The following ANKRD17 variants were observed in gnomAD, a reference collection of about 807,000 sequenced individuals.
ANKRD17 encodes ankyrin repeat domain-containing protein 17.
Under a neutral mutation model 229.7 loss-of-function variants are expected in ANKRD17, and 19 were observed. The ratio of observed to expected loss-of-function variants is 0.08; its 90% CI spans 0.06 to 0.12. The LOEUF is 0.12. ANKRD17 is among the 10% of genes least tolerant of loss of function. ANKRD17 has a pLI of 1.00. For missense variants in ANKRD17, 2,176 were observed against 3,176.8 expected, an observed-to-expected ratio of 0.68 and a Z score of 7.57; for synonymous variants, 1,112 against 1,146.1, an observed-to-expected ratio of 0.97 and a Z score of 0.60.
At chr4:73,232,530 G>A (rs77609739) in intron 1 of ANKRD17, among the ~76,000 whole-genome samples, 1 of 152,120 alleles carries the variant, frequency 6.6e-6, no homozygotes, top group African/African-American at 2.4e-5. Context: ...AGCCAGTCAA[G>A]AAAGAATTAG....
chr4:73,251,956 G>A lies in ANKRD17; in HGVS notation c.393+6320C>T, dbSNP rs181772519. 7.2e-4 allele frequency among the ~76,000 whole-genome samples: 110 copies of A among 152,222 alleles called. No individual in the cohort carries two copies. The Middle Eastern group carries it at 0.017, about 24-fold the overall frequency. The stretch of plus-strand genomic sequence containing the variant: ...ATACTAACTCCAGTTAAGTTGGTGA[G>A]GTTAAAAATGACTAAACTAAAAATA... On this transcript the variant is annotated intron_variant, in intron 1 of 33. Coordinates refer to ENST00000358602, the MANE Select transcript of ANKRD17 (RefSeq NM_032217.5).
At chr4:73,173,046 G>T (rs1734252718) in intron 2 of ANKRD17, among the ~76,000 whole-genome samples, 1 of 152,052 alleles carries the variant, frequency 6.6e-6, no homozygotes, top group Non-Finnish European at 1.5e-5. Context: ...AAGACCCAAT[G>T]ACCTGCTGCC....
intron 1 of ANKRD17, among the ~76,000 whole-genome samples, chr4:73,248,407 G>A (rs1194948766): frequency 6.6e-6 from 1 of 151,868 alleles, no homozygotes; most frequent in African/African-American, 2.4e-5. Context: ...GATTTATACG[G>A]GGCTAAAATC....
chr4:73,192,875 T>C (rs1471823975), intron 1 of ANKRD17, among the ~76,000 whole-genome samples: 1 of 152,186 alleles, frequency 6.6e-6, no homozygotes, highest in Non-Finnish European at 1.5e-5. Context: ...ATAAGTAAAA[T>C]CAGGAACATA....
intron 1 of ANKRD17, among the ~76,000 whole-genome samples, chr4:73,227,310 C>T (rs1034904238): frequency 4.6e-5 from 7 of 152,056 alleles, no homozygotes; most frequent in African/African-American, 7.2e-5. Flanking sequence ...CCCACCACCA[C>T]GCCTGGCTCA....
intron 22 of ANKRD17, among the ~76,000 whole-genome samples, chr4:73,116,250 C>T (rs1400035068): frequency 6.6e-6 from 1 of 151,970 alleles, no homozygotes; most frequent in Non-Finnish European, 1.5e-5. Flanking sequence ...TTTTTCTTTG[C>T]TAACTCCCTA....
chr4:73,159,414 A>G (rs1277192817), intron 3 of ANKRD17, among the ~76,000 whole-genome samples: 2 of 152,206 alleles, frequency 1.3e-5, no homozygotes, highest in African/African-American at 4.8e-5. Flanking sequence ...ACCTTACAGG[A>G]TCTACTCTAG....
chr4:73,130,174 T>C (rs1728014745), intron 16 of ANKRD17, among the ~76,000 whole-genome samples: 2 of 152,210 alleles, frequency 1.3e-5, no homozygotes, highest in Admixed American at 6.5e-5. Flanking sequence ...TCTCATTCTC[T>C]AACCCACTCA....
At chr4:73,192,349 AAAAAACAAAAAC>A (rs942711637) in intron 1 of ANKRD17, among the ~76,000 whole-genome samples, 3 of 152,112 alleles carry the variant, frequency 2.0e-5, no homozygotes, top group Admixed American at 6.5e-5. Flanking sequence ...CCTGAAGCAA[AAAAAACAAAAAC>A]AAAAACAAAA....
In ANKRD17 at chr4:73,120,350, T is replaced by C; in HGVS notation, c.3850-13A>G. The C allele has an allele frequency of 6.2e-7, 1 of 1,611,456 alleles. No individual in the cohort carries two copies. On this transcript the variant is annotated splice_polypyrimidine_tract_variant and intron_variant, in intron 20 of 33. Coordinates refer to ENST00000358602, the MANE Select transcript of ANKRD17 (RefSeq NM_032217.5). Reference sequence around the variant, plus strand: ...GTGTGAGACCAGTCTAAGTTTAGTGTAAAATTAAAAGTAATGACACGTAAG... The same window carrying C: ...GTGTGAGACCAGTCTAAGTTTAGTGCAAAATTAAAAGTAATGACACGTAAG...
At chr4:73,165,435 A>G (rs188780224) in intron 2 of ANKRD17, among the ~76,000 whole-genome samples, 4 of 152,336 alleles carry the variant, frequency 2.6e-5, no homozygotes, top group African/African-American at 9.6e-5. Context: ...AGTTTACATG[A>G]TAAGTAGTGA....
intron 1 of ANKRD17, among the ~76,000 whole-genome samples, chr4:73,236,903 C>G (rs1406120023): frequency 6.6e-6 from 1 of 152,056 alleles, no homozygotes; most frequent in East Asian, 1.9e-4. Context: ...GATTCAAAAG[C>G]AAGTGGCTCA....
chr4:73,202,527 C>T (rs552440232), intron 1 of ANKRD17, among the ~76,000 whole-genome samples: 60 of 152,088 alleles, frequency 3.9e-4, no homozygotes, highest in African/African-American at 1.4e-3. Context: ...AAAATCTAAC[C>T]AGCCAGAGGA....
chr4:73,085,523 C>A (rs1006291002), intron 29 of ANKRD17, 77 bp from the exon 30 acceptor site: 1 of 1,246,444 alleles, frequency 8.0e-7, no homozygotes, highest in South Asian at 1.3e-5. Flanking sequence ...TTCTAAAAGG[C>A]CCTAAATATA....
chr4:73,166,426 T>C (rs980523302), intron 2 of ANKRD17, among the ~76,000 whole-genome samples: 2 of 152,210 alleles, frequency 1.3e-5, no homozygotes, highest in African/African-American at 2.4e-5. Context: ...ACTGGAACTC[T>C]ATACCTAGCT....
Position 73,091,390 on chromosome 4 carries a change from C to T in ANKRD17, c.6238G>A (p.Gly2080Ser). ...GTTGTTTCTACTACTGGTGGACTACCTGCTTCCTGTTCGGAGGAAGATGCC... is the reference window on the plus strand; with the variant it reads ...GTTGTTTCTACTACTGGTGGACTACTTGCTTCCTGTTCGGAGGAAGATGCC... The part of the protein sequence containing the change: ...KVASSSEQEA[G>S]SPPVVETTNT... The change falls in exon 29 of 34, where the codon GGT becomes AGT. Residue 2080 changes from glycine (G) to serine (S), a missense_variant. Gly to Ser is a moderately conservative substitution (Grantham distance 56, BLOSUM62 0). Coordinates refer to ENST00000358602, the MANE Select transcript of ANKRD17 (RefSeq NM_032217.5). The T allele has an allele frequency of 1.9e-6, 3 of 1,614,128 alleles. No individual in the cohort carries two copies. The South Asian group carries it at 3.3e-5, about 18-fold the overall frequency.
At chr4:73,081,262 T>C (rs1283043008) in intron 30 of ANKRD17, among the ~76,000 whole-genome samples, 1 of 152,192 alleles carries the variant, frequency 6.6e-6, no homozygotes, top group Non-Finnish European at 1.5e-5. Context: ...GATGTGCATA[T>C]ACAAGGTAAG....
chr4:73,118,808 T>G lies in ANKRD17; in HGVS notation c.4068A>C (p.Pro1356=). The G allele has an allele frequency of 6.2e-7, 1 of 1,613,426 alleles. No homozygotes were observed. The highest frequency in any genetic ancestry group is 8.5e-7 in the Non-Finnish European group (1 of 1,179,870). The change falls in exon 22 of 34, where the codon CCA becomes CCC. Residue 1356 remains proline, a synonymous_variant. Coordinates refer to ENST00000358602, the MANE Select transcript of ANKRD17 (RefSeq NM_032217.5). ...GTCCACCATTTGCTGCTAGCCACAA[T>G]GGAGTGTTCCCCTTCTTGTTACGTA... is the stretch of plus-strand genomic sequence containing the variant. ...IDVRNKKGNT[P]LWLAANGGHL...
Position 73,140,055 on chromosome 4 carries a change from G to A in ANKRD17, c.2561C>T (p.Thr854Ile), listed in dbSNP as rs1729415556. 1 of 1,614,140 alleles carries A rather than the reference G, an allele frequency of 6.2e-7. No homozygotes were observed. The highest frequency in any genetic ancestry group is 8.5e-7 in the Non-Finnish European group (1 of 1,180,022). ...TTTCTTCTGAATTTGTTCCTCCCTT[G>A]TTTTGTTGAGCTCCTCGATCTTCTC... ...TKEKIEELNK[T>I]REEQIQKKQK... Residue 854 changes from threonine (T) to isoleucine (I), a missense_variant, in exon 15 of 34, where the codon ACA becomes ATA. Thr to Ile is a moderately conservative substitution (Grantham distance 89, BLOSUM62 -1). This residue lies in a region of ANKRD17 where 275 missense variants were observed against 386.9 expected (regional missense o/e 0.71). Coordinates refer to ENST00000358602, the MANE Select transcript of ANKRD17 (RefSeq NM_032217.5).
Sources: gnomAD v4.1 joint callset for allele counts (sites outside exome capture counted in the v4.1 genomes callset) on GRCh38, gnomAD v4.1.1 for gene constraint, gnomAD v4.1.1 regional missense constraint, MANE v1.5 for transcripts, NCBI Gene and HGNC (gene_info 2026-07-23, HGNC 2026-07-21) for gene names.